The following LGR4 variants were observed in gnomAD, a reference collection of about 807,000 sequenced individuals.
The protein encoded by LGR4 is leucine rich repeat containing G protein-coupled receptor 4.
In LGR4, 44 loss-of-function variants were observed where a neutral mutation model predicts 84.8. The observed-to-expected ratio is 0.52, with a 90% CI of 0.41 to 0.67. LGR4 has a LOEUF of 0.67. Among genes scored for constraint, LGR4 ranks in the 30% least tolerant of loss-of-function variants. LGR4 has a pLI of 0.00. For synonymous variants in LGR4, 429 were observed against 434.3 expected (o/e 0.99, Z 0.15); for missense variants, 1,032 against 1,131.4 (o/e 0.91, Z 1.26).
chr11:27,405,901 G>A (rs975827044), intron 2 of LGR4, among the ~76,000 whole-genome samples: 1 of 152,060 alleles, frequency 6.6e-6, no homozygotes, highest in African/African-American at 2.4e-5. Context: ...ATTTATTGAA[G>A]GTCATATCTG....
intron 1 of LGR4, among the ~76,000 whole-genome samples, chr11:27,454,915 C>T (rs190603513): frequency 3.3e-5 from 5 of 152,262 alleles, no homozygotes; most frequent in Non-Finnish European, 5.9e-5. Context: ...CCAACAGACA[C>T]AAGCCACAGC....
chr11:27,470,016 T>C (rs1489711059), intron 1 of LGR4, among the ~76,000 whole-genome samples: 1 of 152,140 alleles, frequency 6.6e-6, no homozygotes, highest in Non-Finnish European at 1.5e-5. Context: ...GGTGGTTATA[T>C]ATATTTTTGA....
intron 2 of LGR4, among the ~76,000 whole-genome samples, chr11:27,406,883 G>T (rs1205772250): frequency 6.6e-6 from 1 of 152,156 alleles, no homozygotes; most frequent in Non-Finnish European, 1.5e-5. Flanking sequence ...CTGCATCAAG[G>T]GAGTAAACGT....
At position 27,377,200 on chromosome 11, in the gene LGR4, C is replaced by T; in HGVS notation, c.1067G>A (p.Arg356Lys). Residue 356 changes from arginine to lysine, a missense_variant, in exon 12 of 18, where the codon AGA becomes AAA. Coordinates refer to ENST00000379214, the MANE Select transcript of LGR4 (RefSeq NM_018490.5). ...GCAACCATTAAAACTTGGAAGGTCT[C>T]TTATATTATTGTAAGACAAGTCCCT... ...RTLDLSYNNI[R>K]DLPSFNGCHA... 2 of 1,579,716 alleles carry T rather than the reference C, an allele frequency of 1.3e-6. No homozygotes were observed. Among genetic ancestry groups the T allele is most frequent in the Non-Finnish European group, 1.7e-6 (2 of 1,152,124 alleles).
In LGR4 at chr11:27,393,938, TTGGGG is replaced by T; in HGVS notation, c.258-1425_258-1421del. ...AACACAGAGGCGATTGCACTGAAGA[TTGGGG>T]GGGGGGGGGGGCGCGGGAAGGGGAC... On this transcript the variant is annotated intron_variant, in intron 2 of 17. Coordinates refer to ENST00000379214, the MANE Select transcript of LGR4 (RefSeq NM_018490.5). 4.6e-4 allele frequency among the ~76,000 whole-genome samples: 2 copies of T among 4,302 alleles called. 1 individual carries two copies. Among genetic ancestry groups the T allele is most frequent in the African/African-American group, 5.8e-4 (2 of 3,434 alleles). The allele number at this position is 4,302 out of a possible 152,430, so 2.8% of individuals were successfully genotyped here. A position where few individuals can be genotyped will look rare whatever the true frequency, so the allele number is the denominator to read the frequency against.
chr11:27,426,383 G>A (rs1864025743), intron 1 of LGR4, among the ~76,000 whole-genome samples: 1 of 152,054 alleles, frequency 6.6e-6, no homozygotes, highest in Admixed American at 6.6e-5. Context: ...ATGTAAAATT[G>A]GATTTCAGTA....
At chr11:27,403,037 T>C (rs1035999956) in intron 2 of LGR4, among the ~76,000 whole-genome samples, 9 of 152,340 alleles carry the variant, frequency 5.9e-5, no homozygotes, top group African/African-American at 1.9e-4. Flanking sequence ...ACACTGTTAC[T>C]TGGAGTTTTC....
intron 4 of LGR4, among the ~76,000 whole-genome samples, chr11:27,386,896 C>T (rs941031747): frequency 6.6e-6 from 1 of 152,182 alleles, no homozygotes; most frequent in African/African-American, 2.4e-5. Context: ...GCTTTTAGAA[C>T]TTGCCCTGAG....
At chr11:27,436,371 A>AAGAAAG (rs1864209676) in intron 1 of LGR4, among the ~76,000 whole-genome samples, 1 of 139,896 alleles carries the variant, frequency 7.1e-6, no homozygotes, top group East Asian at 2.2e-4. Context: ...GAAAGAAAGA[A>AAGAAAG]AGAGAGAGAG....
intron 2 of LGR4, among the ~76,000 whole-genome samples, chr11:27,409,015 CTATT>C (rs1293736299): frequency 6.6e-6 from 1 of 151,846 alleles, no homozygotes; most frequent in African/African-American, 2.4e-5. Context: ...CTAGGTAACA[CTATT>C]TATGAACTAT....
chr11:27,445,279 G>A (rs1471479444), intron 1 of LGR4, among the ~76,000 whole-genome samples: 2 of 152,106 alleles, frequency 1.3e-5, no homozygotes, highest in Non-Finnish European at 2.9e-5. Flanking sequence ...AGACTGGAGG[G>A]CACGAACTCT....
intron 6 of LGR4, 76 bp downstream of exon 6, chr11:27,384,260 T>C: frequency 1.1e-6 from 1 of 912,746 alleles, no homozygotes; most frequent in Non-Finnish European, 1.8e-6. Flanking sequence ...CAATATTTTT[T>C]TCTTTTTCTG....
intron 2 of LGR4, among the ~76,000 whole-genome samples, chr11:27,392,987 A>G (rs1863315411): frequency 6.6e-6 from 1 of 152,216 alleles, no homozygotes; most frequent in Non-Finnish European, 1.5e-5. Context: ...TATCCAGTGC[A>G]AAAGAGAGGC....
chr11:27,443,087 G>A (rs1400326160), intron 1 of LGR4, among the ~76,000 whole-genome samples: 1 of 152,126 alleles, frequency 6.6e-6, no homozygotes, highest in Non-Finnish European at 1.5e-5. Context: ...CTTGCCCAAG[G>A]AAACACTGGA....
chr11:27,429,360 C>A (rs1159312074), intron 1 of LGR4, among the ~76,000 whole-genome samples: 2 of 151,978 alleles, frequency 1.3e-5, no homozygotes, highest in Non-Finnish European at 2.9e-5. Flanking sequence ...TGGCAGGTAC[C>A]TGTAGTCCCA....
intron 1 of LGR4, among the ~76,000 whole-genome samples, chr11:27,468,280 T>C (rs1222764411): frequency 6.6e-6 from 1 of 152,208 alleles, no homozygotes; most frequent in Non-Finnish European, 1.5e-5. Context: ...TGACTAATTA[T>C]ATGGAAGTGA....
chr11:27,469,798 C>T (rs1864838799), intron 1 of LGR4, among the ~76,000 whole-genome samples: 1 of 152,170 alleles, frequency 6.6e-6, no homozygotes, highest in East Asian at 1.9e-4. Flanking sequence ...GTAACTGTAT[C>T]TCAGTAAAGC....
intron 2 of LGR4, among the ~76,000 whole-genome samples, chr11:27,406,073 C>T (rs1047415943): frequency 5.3e-5 from 8 of 152,122 alleles, no homozygotes; most frequent in Admixed American, 6.6e-5. Context: ...ACCATTTTTA[C>T]CACCTATCCC....
chr11:27,391,680 G>A (rs1863286781), intron 3 of LGR4, among the ~76,000 whole-genome samples: 1 of 105,432 alleles, frequency 9.5e-6, no homozygotes, highest in Non-Finnish European at 2.3e-5. Flanking sequence ...TGCATGTGGG[G>A]CCAGAAGAGA....
Sources: allele counts gnomAD v4.1 joint callset (sites outside exome capture counted in the v4.1 genomes callset), GRCh38; gene constraint gnomAD v4.1.1; transcripts MANE v1.5; gene names NCBI Gene and HGNC (gene_info 2026-07-23, HGNC 2026-07-21).